The following DIS3L2 variants were observed in gnomAD, a reference collection of about 807,000 sequenced individuals.
The protein encoded by DIS3L2 is DIS3 like 3'-5' exoribonuclease 2, also known as DIS3-like exonuclease 2.
A neutral mutation model predicts 97.5 loss-of-function variants in DIS3L2; 34 were observed. That is an observed-to-expected ratio of 0.35 (90% CI 0.27 to 0.46). DIS3L2 has a LOEUF of 0.46. Ranked by LOEUF, DIS3L2 falls within the 20% of genes least tolerant of loss-of-function variation. The pLI, the probability that DIS3L2 is intolerant of heterozygous loss-of-function variation, is 1.00. For synonymous variants in DIS3L2, 435 were observed against 445.2 expected (o/e 0.98, Z 0.29); for missense variants, 1,038 against 1,146.0 (o/e 0.91, Z 1.36).
intron 3 of DIS3L2, among the ~76,000 whole-genome samples, chr2:232,018,308 G>A (rs1355710347): frequency 6.6e-6 from 1 of 152,150 alleles, no homozygotes; most frequent in Admixed American, 6.5e-5. Flanking sequence ...TAATTCCCAG[G>A]AGTTTGTAAG....
intron 12 of DIS3L2, among the ~76,000 whole-genome samples, chr2:232,250,673 G>T (rs1016492103): frequency 1.3e-5 from 2 of 152,192 alleles, no homozygotes; most frequent in Admixed American, 6.5e-5. Flanking sequence ...TCTCTAGACA[G>T]GGTAAAGTAA....
intron 13 of DIS3L2, among the ~76,000 whole-genome samples, chr2:232,277,675 T>C (rs1338040814): frequency 6.6e-6 from 1 of 152,238 alleles, no homozygotes; most frequent in Non-Finnish European, 1.5e-5. Context: ...CTTTTGACTT[T>C]GAGATTACAG....
At chr2:232,044,879 C>T (rs1330430578) in intron 5 of DIS3L2, among the ~76,000 whole-genome samples, 4 of 152,144 alleles carry the variant, frequency 2.6e-5, no homozygotes, top group African/African-American at 9.7e-5. Context: ...ATCCGCCTGC[C>T]TCAGCCTCCC....
intron 11 of DIS3L2, among the ~76,000 whole-genome samples, chr2:232,240,925 CT>C (rs1385031828): frequency 3.3e-5 from 5 of 151,916 alleles, no homozygotes; most frequent in Non-Finnish European, 5.9e-5. Flanking sequence ...GTTTCCTTTT[CT>C]GTTTCCTTTG....
chr2:232,330,631 CCA>C lies in DIS3L2; in HGVS notation c.1924-58_1924-57del, dbSNP rs1459109502. 4 of 1,568,832 alleles carry C rather than the reference CCA, an allele frequency of 2.5e-6. No homozygotes were observed. The African/African-American group carries it at 5.4e-5, about 21-fold the overall frequency. ...TGAGGTGCTCAGCGGATGACAGGGCCCAGAGTCTCTGCCCGAGCTGGACCACA... is the reference window on the plus strand; with the variant it reads ...TGAGGTGCTCAGCGGATGACAGGGCCGAGTCTCTGCCCGAGCTGGACCACA... On this transcript the variant is annotated intron_variant, in intron 15 of 20. Coordinates refer to ENST00000325385, the MANE Select transcript of DIS3L2 (RefSeq NM_152383.5).
At chr2:232,311,323 C>G (rs1005736722) in intron 14 of DIS3L2, among the ~76,000 whole-genome samples, 1 of 152,200 alleles carries the variant, frequency 6.6e-6, no homozygotes, top group African/African-American at 2.4e-5. Flanking sequence ...TTACAATAAG[C>G]TTGCTTTGTA....
rs114644179 is a variant in DIS3L2 at position 232,103,195 on chromosome 2, G to A, written c.601+15474G>A. Among the ~76,000 whole-genome samples the A allele has an allele frequency of 3.7e-3, 559 of 152,194 alleles. 5 individuals are homozygous for A. The highest frequency in any genetic ancestry group is 0.012 in the African/African-American group (506 of 41,528). On this transcript the variant is annotated intron_variant, in intron 6 of 20. Transcript: ENST00000325385. ...AGTTGGTTGTTTTGATTTTCTAGGT[G>A]TAAAATAATTTTGTCTTTTCCTTTC...
At chr2:232,052,906 T>C (rs1695449499) in intron 5 of DIS3L2, among the ~76,000 whole-genome samples, 1 of 152,258 alleles carries the variant, frequency 6.6e-6, no homozygotes, top group Admixed American at 6.5e-5. Context: ...CATGACCTAC[T>C]ATGAATGACT....
chr2:232,254,109 A>G (rs1316211255), intron 12 of DIS3L2, among the ~76,000 whole-genome samples: 1 of 152,210 alleles, frequency 6.6e-6, no homozygotes, highest in Non-Finnish European at 1.5e-5. Context: ...CACACCTAAC[A>G]GTGACTACTA....
rs528130114 is a variant in DIS3L2 at position 232,112,160 on chromosome 2, G to C, written c.602-18459G>C. ...ACAAATTTTGTAATTGAGGGAGAGG[G>C]CTTCTTTGTGGTAAAAGATGATGTG... On this transcript the variant is annotated intron_variant, in intron 6 of 20. Coordinates refer to ENST00000325385, the MANE Select transcript of DIS3L2 (RefSeq NM_152383.5). Among the ~76,000 whole-genome samples the C allele has an allele frequency of 1.3e-5, 2 of 152,260 alleles. 1 individual carries two copies. The highest frequency in any genetic ancestry group is 4.1e-4 in the South Asian group (2 of 4,826).
intron 10 of DIS3L2, among the ~76,000 whole-genome samples, chr2:232,228,985 G>A (rs892218689): frequency 2.6e-5 from 4 of 152,150 alleles, no homozygotes; most frequent in Admixed American, 1.3e-4. Flanking sequence ...AGTGTGTAAC[G>A]GATGAAGGAA....
At chr2:232,072,967 A>G (rs1696078369) in intron 5 of DIS3L2, among the ~76,000 whole-genome samples, 1 of 152,222 alleles carries the variant, frequency 6.6e-6, no homozygotes. Flanking sequence ...ACTAGATAAA[A>G]GGTACGTTTG....
intron 1 of DIS3L2, among the ~76,000 whole-genome samples, chr2:232,009,030 G>A (rs1040064314): frequency 1.9e-4 from 29 of 152,002 alleles, no homozygotes; most frequent in Admixed American, 2.6e-4. Flanking sequence ...TTCAGTTGTT[G>A]TCTTTCCACT....
intron 6 of DIS3L2, among the ~76,000 whole-genome samples, chr2:232,113,137 G>T (rs1697589458): frequency 1.3e-5 from 2 of 152,220 alleles, no homozygotes; most frequent in South Asian, 4.2e-4. Flanking sequence ...AGAAACTGGG[G>T]CATGGCTGGG....
intron 13 of DIS3L2, among the ~76,000 whole-genome samples, chr2:232,282,150 A>AAG (rs1356285047): frequency 1.3e-5 from 2 of 151,248 alleles, no homozygotes; most frequent in Non-Finnish European, 3.0e-5. Flanking sequence ...TTTAAAAAAA[A>AAG]AAAAAAAAAA....
At chr2:232,322,709 G>A (rs759042704) in intron 14 of DIS3L2, among the ~76,000 whole-genome samples, 86 of 152,334 alleles carry the variant, frequency 5.6e-4, no homozygotes, top group Non-Finnish European at 5.1e-4. Context: ...CTTCTCTCTC[G>A]TTTTTGTGGC....
intron 19 of DIS3L2, chr2:232,335,373 CT>C (rs1695906463): frequency 4.5e-6 from 1 of 223,786 alleles, no homozygotes; most frequent in African/African-American, 2.3e-5. Flanking sequence ...CCTGCGGACC[CT>C]GGGGGCTCTG....
rs559345413 is a variant in DIS3L2 at position 232,249,224 on chromosome 2, G to A, written c.1318-15G>A. 1 of 1,612,934 alleles carries A rather than the reference G, an allele frequency of 6.2e-7. No individual in the cohort carries two copies. Among genetic ancestry groups the A allele is most frequent in the African/African-American group, 1.3e-5 (1 of 75,042 alleles). ...GTTGGAGAAAGGTGCTCATGGGCCT[G>A]TGCTCTATTTACAGGTGGTCCCCAT... On this transcript the variant is annotated splice_polypyrimidine_tract_variant and intron_variant, in intron 11 of 20. Coordinates refer to ENST00000325385, the MANE Select transcript of DIS3L2 (RefSeq NM_152383.5).
rs187752843 is a variant in DIS3L2 at position 232,194,797 on chromosome 2, G to A, written c.1125-15529G>A. ...GGCTGAGGTAGAGAGTGTGTGCTGG[G>A]TGACCCGCAACCTGGAAGCACAGGA... On this transcript the variant is annotated intron_variant, in intron 9 of 20. Transcript: ENST00000325385. Among the ~76,000 whole-genome samples the A allele has an allele frequency of 4.0e-3, 608 of 152,230 alleles. 2 individuals carry two copies. Among genetic ancestry groups the A allele is most frequent in the Non-Finnish European group, 7.0e-3 (476 of 68,018 alleles).
Sources: gnomAD v4.1 joint callset for allele counts (sites outside exome capture counted in the v4.1 genomes callset) on GRCh38, gnomAD v4.1.1 for gene constraint, MANE v1.5 for transcripts, NCBI Gene and HGNC (gene_info 2026-07-23, HGNC 2026-07-21) for gene names.